The following RAB2A variants were observed in gnomAD, a reference collection of about 807,000 sequenced individuals.
RAB2A encodes the protein ras-related protein Rab-2A.
RAB2A carries 7 observed loss-of-function variants against 32.5 expected under a neutral mutation model. The observed-to-expected ratio is 0.22, with a 90% confidence interval of 0.12 to 0.40. RAB2A has a LOEUF of 0.40. Ranked by LOEUF, RAB2A falls within the 10% of genes least tolerant of loss-of-function variation. RAB2A has a pLI of 1.00. For missense variants in RAB2A, 108 were observed against 260.7 expected (o/e 0.41, Z 4.03); for synonymous variants, 79 against 85.2 (o/e 0.93, Z 0.40).
intron 6 of RAB2A, among the ~76,000 whole-genome samples, chr8:60,592,518 TTTTA>T (rs752645292): frequency 2.6e-5 from 4 of 151,036 alleles, no homozygotes; most frequent in African/African-American, 4.9e-5. Context: ...ATTTTTTTAA[TTTTA>T]TTTATTTTTT....
intron 1 of RAB2A, among the ~76,000 whole-genome samples, chr8:60,524,159 ATCT>A: frequency 6.6e-6 from 1 of 152,002 alleles, no homozygotes; most frequent in East Asian, 1.9e-4. Context: ...CTCCCTACTC[ATCT>A]TCTCAATTGG....
chr8:60,545,356 G>A (rs1262812209), intron 1 of RAB2A, among the ~76,000 whole-genome samples: 1 of 152,048 alleles, frequency 6.6e-6, no homozygotes, highest in Non-Finnish European at 1.5e-5. Context: ...CCAGGCTGTA[G>A]TGCAGTGGGA....
chr8:60,550,151 C>T (rs1807823345), intron 1 of RAB2A, among the ~76,000 whole-genome samples: 1 of 152,172 alleles, frequency 6.6e-6, no homozygotes, highest in African/African-American at 2.4e-5. Context: ...GATGATCTGT[C>T]CACTCTCAAT....
intron 2 of RAB2A, among the ~76,000 whole-genome samples, chr8:60,569,743 G>A (rs1390646653): frequency 6.6e-6 from 1 of 152,086 alleles, no homozygotes; most frequent in Non-Finnish European, 1.5e-5. Context: ...AAATTCCTAG[G>A]CTCAAGCAAT....
intron 6 of RAB2A, among the ~76,000 whole-genome samples, chr8:60,606,991 T>C (rs895489795): frequency 6.6e-6 from 1 of 150,718 alleles, no homozygotes; most frequent in African/African-American, 2.5e-5. Context: ...GTCTGTGTTA[T>C]TTTGCTTACT....
chr8:60,552,805 CTCTCT>C (rs1342721368), intron 1 of RAB2A: 1 of 152,168 alleles, frequency 6.6e-6, no homozygotes, highest in Non-Finnish European at 1.5e-5. Flanking sequence ...CAAATTTTCT[CTCTCT>C]TATCAGTCAA....
chr8:60,520,422 A>C (rs1363071378), intron 1 of RAB2A, among the ~76,000 whole-genome samples: 1 of 152,222 alleles, frequency 6.6e-6, no homozygotes, highest in Non-Finnish European at 1.5e-5. Flanking sequence ...AAAAAATACG[A>C]ATCTATAGTA....
rs141480082 is a variant in RAB2A, at chr8:60,532,790, A to C, written c.46+15537A>C. ...CTCCCCAAGTGCTGGGATTACATAC[A>C]TGAGCCACTGCACTCAGCCAGCTAC... On this transcript the variant is annotated intron_variant, in intron 1 of 7. Coordinates refer to ENST00000262646, the MANE Select transcript of RAB2A (RefSeq NM_002865.3). 4.3e-3 allele frequency among the ~76,000 whole-genome samples: 660 copies of C among 152,324 alleles called. 4 individuals are homozygous for C. The highest frequency in any genetic ancestry group is 0.015 in the African/African-American group (619 of 41,564).
chr8:60,577,792 ATTTTTTTTTTTTT>A (rs3055112), intron 3 of RAB2A, among the ~76,000 whole-genome samples: 1 of 112,946 alleles, frequency 8.9e-6, no homozygotes, highest in South Asian at 3.3e-4. Context: ...CGCCCGGCTA[ATTTTTTTTTTTTT>A]TTTTTTTTTT....
chr8:60,522,141 T>C (rs1039647251), intron 1 of RAB2A, among the ~76,000 whole-genome samples: 1 of 152,126 alleles, frequency 6.6e-6, no homozygotes, highest in Admixed American at 6.5e-5. Context: ...CAAGGAATAA[T>C]CAAAAGAGCA....
chr8:60,563,702 C>T (rs1006588223), intron 2 of RAB2A, among the ~76,000 whole-genome samples: 2 of 152,182 alleles, frequency 1.3e-5, no homozygotes, highest in African/African-American at 4.8e-5. Context: ...GACTATTTGA[C>T]TTTGTATCCC....
chr8:60,535,809 G>T (rs1586066964), intron 1 of RAB2A, among the ~76,000 whole-genome samples: 2 of 152,158 alleles, frequency 1.3e-5, no homozygotes, highest in African/African-American at 4.8e-5. Flanking sequence ...CATCTCCACT[G>T]TAGCCACCAT....
chr8:60,614,844 AGTCTGGG>A (rs1804422613), intron 6 of RAB2A, among the ~76,000 whole-genome samples: 1 of 152,188 alleles, frequency 6.6e-6, no homozygotes, highest in South Asian at 2.1e-4. Flanking sequence ...TGGCAGTTAA[AGTCTGGG>A]GGAAAGGAAA....
In RAB2A at chr8:60,584,562, A is replaced by G. The variant is rs933693287; in HGVS notation, c.270-161A>G. Among the ~76,000 whole-genome samples the G allele has an allele frequency of 9.8e-5, 15 of 152,390 alleles. 1 individual carries two copies. Among genetic ancestry groups the G allele is most frequent in the South Asian group, 6.2e-4 (3 of 4,834 alleles). ...TTACATTTAATTTATAAACTGAAAT[A>G]CAATCAGTGAACTCTAAACCCAGAT... On this transcript the variant is annotated intron_variant, in intron 4 of 7. Transcript: ENST00000262646.
intron 6 of RAB2A, among the ~76,000 whole-genome samples, chr8:60,615,664 T>C (rs990543229): frequency 3.3e-5 from 5 of 152,194 alleles, no homozygotes; most frequent in African/African-American, 1.2e-4. Flanking sequence ...TTAGAACTTT[T>C]ATTTGACCTC....
intron 1 of RAB2A, 190 bp from the exon 2 acceptor site, chr8:60,558,662 T>C: frequency 9.6e-6 from 6 of 624,874 alleles, no homozygotes; most frequent in South Asian, 5.2e-5. Context: ...AAATGTACTT[T>C]AGATTGGTTT....
In RAB2A at chr8:60,575,638, T is replaced by C. The variant is rs1418453862; in HGVS notation, c.186+3525T>C. On this transcript the variant is annotated intron_variant, in intron 3 of 7. Coordinates refer to ENST00000262646, the MANE Select transcript of RAB2A (RefSeq NM_002865.3). The stretch of plus-strand genomic sequence containing the variant: ...ATAGAAATGAAGAGTTTTCTTAGTA[T>C]CTTAGGATATTTGTCTTTTTTTTTT... 6.6e-5 allele frequency among the ~76,000 whole-genome samples: 10 copies of C among 150,570 alleles called. No individual in the cohort carries two copies. The Admixed American group carries it at 6.6e-4, about 10-fold the overall frequency.
chr8:60,530,115 A>G (rs908460886), intron 1 of RAB2A, among the ~76,000 whole-genome samples: 4 of 146,970 alleles, frequency 2.7e-5, no homozygotes, highest in Non-Finnish European at 5.9e-5. Flanking sequence ...TCACAGGCAC[A>G]TGCCACCACA....
rs1807213973 is a variant in RAB2A, at chr8:60,517,002, T to C, written c.-206T>C. 2 of 468,160 alleles carry C rather than the reference T, an allele frequency of 4.3e-6. No individual in the cohort carries two copies. Among genetic ancestry groups the C allele is most frequent in the African/African-American group, 2.1e-5 (1 of 48,484 alleles). The allele number at this position is 468,160 out of a possible 1,614,324, so 29.0% of individuals were successfully genotyped here. On this transcript the variant is annotated 5_prime_UTR_variant, in exon 1 of 8. Coordinates refer to ENST00000262646, the MANE Select transcript of RAB2A (RefSeq NM_002865.3). ...GGCGGCTGTTATTGTTCGGCTGGGC[T>C]CGGTCGGGCGCTGTCTCCCTCGGCT... is the stretch of plus-strand genomic sequence containing the variant.
Sources: gnomAD v4.1 joint callset for allele counts (sites outside exome capture counted in the v4.1 genomes callset) on GRCh38, gnomAD v4.1.1 for gene constraint, MANE v1.5 for transcripts, NCBI Gene and HGNC (gene_info 2026-07-23, HGNC 2026-07-21) for gene names.